HPS5: variants seen among roughly 807,000 people sequenced by gnomAD.
HPS5 encodes the protein BLOC-2 complex member HPS5.
A neutral mutation model predicts 128.0 loss-of-function variants in HPS5; 83 were observed. That is an observed-to-expected ratio of 0.65 (90% CI 0.54 to 0.78). HPS5 has a LOEUF of 0.78. Ranked by LOEUF, HPS5 falls within the 30% of genes least tolerant of loss-of-function variation. The pLI, the probability that HPS5 is intolerant of heterozygous loss-of-function variation, is 0.00. For missense variants in HPS5, 1,281 were observed against 1,326.2 expected (o/e 0.97, Z 0.53); for synonymous variants, 475 against 470.2 (o/e 1.01, Z -0.13).
intron 16 of HPS5, 74 bp downstream of exon 16, chr11:18,291,367 TA>T (rs1410994611): frequency 6.5e-6 from 6 of 919,852 alleles, no homozygotes; most frequent in Admixed American, 4.1e-5. Flanking sequence ...ATCTTTTTTT[TA>T]AACCCCAAAA....
intron 7 of HPS5, 111 bp from the exon 8 acceptor site, chr11:18,305,604 A>G (rs1862254761): frequency 1.4e-6 from 1 of 719,146 alleles, no homozygotes; most frequent in Non-Finnish European, 2.5e-6. Context: ...TCAAGAGCCT[A>G]ACTGCATCTG....
Position 18,296,904 on chromosome 11 carries a change from GC to G in HPS5, c.1403del (p.Cys468SerfsTer44). The part of the protein sequence containing the change: ...RRGSQSDEDS[C>X]SLHSQTLSED... ...CTGAGAGGGTTTGGCTGTGAAGGGA[GC>G]AAGAGTCTTCATCTGACTGACTGCC... On this transcript the variant is annotated frameshift_variant, in exon 12 of 23. Coordinates refer to ENST00000349215, the MANE Select transcript of HPS5 (RefSeq NM_181507.2). LOFTEE classifies it high-confidence loss of function. The G allele has an allele frequency of 1.9e-6, 3 of 1,611,198 alleles. 1 individual carries two copies. The East Asian group carries it at 6.7e-5, about 36-fold the overall frequency.
rs187648713 is a variant in HPS5, at chr11:18,317,417, G to A, written c.108+334C>T. On this transcript the variant is annotated intron_variant, in intron 2 of 22. Coordinates refer to ENST00000349215, the MANE Select transcript of HPS5 (RefSeq NM_181507.2). Reference sequence around the variant, plus strand: ...ATTACAGGCGCGTGCCACCTTGCCCGGCTAATTTTTGTATTTTTAGTAGAG... The same window carrying A: ...ATTACAGGCGCGTGCCACCTTGCCCAGCTAATTTTTGTATTTTTAGTAGAG... 5.9e-5 allele frequency among the ~76,000 whole-genome samples: 9 copies of A among 151,906 alleles called. No individual in the cohort carries two copies. In the East Asian group the frequency reaches 1.4e-3, roughly 23 times the overall value.
intron 2 of HPS5, among the ~76,000 whole-genome samples, chr11:18,315,612 TA>T (rs544602661): frequency 2.2e-3 from 310 of 140,950 alleles, no homozygotes; most frequent in Middle Eastern, 3.7e-3. Flanking sequence ...AACTCTATCT[TA>T]AAAAAAAAAA....
At chr11:18,313,333 G>A (rs558901059) in intron 2 of HPS5, among the ~76,000 whole-genome samples, 4 of 152,340 alleles carry the variant, frequency 2.6e-5, no homozygotes, top group Admixed American at 2.6e-4. Context: ...ACGCCTGGGG[G>A]CAATTGTTTA....
At chr11:18,290,470 G>A (rs1409145557) in intron 16 of HPS5, among the ~76,000 whole-genome samples, 2 of 152,154 alleles carry the variant, frequency 1.3e-5, no homozygotes, top group African/African-American at 2.4e-5. Flanking sequence ...CATAATATCT[G>A]CCACACAATA....
intron 12 of HPS5, chr11:18,296,491 GGTTA>G (rs1414602474): frequency 3.5e-6 from 2 of 577,302 alleles, no homozygotes; most frequent in African/African-American, 3.7e-5. Flanking sequence ...AAAATAATTT[GGTTA>G]GTCAGAATAA....
chr11:18,285,856 T>C (rs570804057), intron 19 of HPS5, among the ~76,000 whole-genome samples: 1 of 152,186 alleles, frequency 6.6e-6, no homozygotes, highest in African/African-American at 2.4e-5. Flanking sequence ...ACTTTAATTT[T>C]ATTTTATTTT....
intron 4 of HPS5, 120 bp from the exon 5 acceptor site, chr11:18,311,053 GTAT>G: frequency 1.3e-6 from 1 of 782,790 alleles, no homozygotes; most frequent in Non-Finnish European, 2.2e-6. Context: ...AAAAGAGGAA[GTAT>G]TATAAAAAGT....
rs773674380 is a variant in HPS5 at position 18,286,773 on chromosome 11, G to A, written c.2718-63C>T. On this transcript the variant is annotated intron_variant, in intron 18 of 22. Coordinates refer to ENST00000349215, the MANE Select transcript of HPS5 (RefSeq NM_181507.2). Reference sequence around the variant, plus strand: ...TGCTAAGAAAGGAAGCATAAAATGTGGGGAGTGTGAAGAAAACCTGATTAA... The same window carrying A: ...TGCTAAGAAAGGAAGCATAAAATGTAGGGAGTGTGAAGAAAACCTGATTAA... The A allele has an allele frequency of 1.2e-5, 19 of 1,604,192 alleles. No individual in the cohort carries two copies. The East Asian group carries it at 4.0e-4, about 34-fold the overall frequency.
chr11:18,303,120 T>C (rs1268411029), intron 8 of HPS5, among the ~76,000 whole-genome samples: 2 of 152,192 alleles, frequency 1.3e-5, no homozygotes, highest in African/African-American at 2.4e-5. Context: ...CTGGGATTTA[T>C]GGGTTGCAAC....
intron 10 of HPS5, 100 bp downstream of exon 10, chr11:18,298,692 G>A: frequency 8.7e-7 from 1 of 1,150,920 alleles, no homozygotes; most frequent in Non-Finnish European, 1.3e-6. Flanking sequence ...AGGTCACACA[G>A]ACAGGGTTAA....
chr11:18,311,514 T>TTTTC, intron 3 of HPS5, 63 bp from the exon 4 acceptor site: 1 of 534,564 alleles, frequency 1.9e-6, no homozygotes, highest in Non-Finnish European at 2.7e-6. Context: ...TATTATTATT[T>TTTTC]TTTTTTTTTT....
At chr11:18,306,879 A>G (rs3781944) in intron 6 of HPS5, among the ~76,000 whole-genome samples, 21,205 of 152,150 alleles carry the variant, frequency 0.14, 1,583 homozygotes, top group African/African-American at 0.19. Flanking sequence ...CATGAGTTAG[A>G]TATATAAAAG....
intron 12 of HPS5, 110 bp from the exon 13 acceptor site, chr11:18,296,232 T>C: frequency 8.9e-7 from 1 of 1,129,686 alleles, no homozygotes; most frequent in Admixed American, 2.0e-5. Flanking sequence ...AAGGATTCAA[T>C]ACCAAAATCA....
chr11:18,295,882 T>C, intron 13 of HPS5, 117 bp downstream of exon 13: 1 of 1,098,736 alleles, frequency 9.1e-7, no homozygotes, highest in Non-Finnish European at 1.4e-6. Flanking sequence ...TATGACAAGT[T>C]ATATGGAAAA....
rs1030918683 is a variant in HPS5, at chr11:18,293,105, T to A, written c.1785-129A>T. ...GACGTGATCTCGGTTCATTGCAACCTCCGCCTCCCGGGTTCAAGCAATTCT... is the reference window on the plus strand; with the variant it reads ...GACGTGATCTCGGTTCATTGCAACCACCGCCTCCCGGGTTCAAGCAATTCT... On this transcript the variant is annotated intron_variant, in intron 14 of 22. Transcript: ENST00000349215. The A allele has an allele frequency of 2.0e-5, 15 of 745,430 alleles. No homozygotes were observed. In the Admixed American group the frequency reaches 2.7e-4, roughly 13 times the overall value. The allele number at this position is 745,430 out of a possible 1,614,324, so 46.2% of individuals were successfully genotyped here.
At position 18,300,852 on chromosome 11, in the gene HPS5, C is replaced by T; in HGVS notation, c.961G>A (p.Val321Ile). The T allele has an allele frequency of 6.3e-7, 1 of 1,586,702 alleles. No homozygotes were observed. The highest frequency in any genetic ancestry group is 8.7e-7 in the Non-Finnish European group (1 of 1,155,316). The stretch of plus-strand genomic sequence containing the variant: ...CCTTTGACTTCACTCCAAAGAAGAA[C>T]TTGAACATTCTGAGGAATGAAAATA... Reference protein sequence around the residue: ...IYIFIPQNVQVLLWSEVKDIQ... With the variant: ...IYIFIPQNVQILLWSEVKDIQ... The change falls in exon 9 of 23, where the codon GTT becomes ATT. Residue 321 changes from valine (V) to isoleucine (I), a missense_variant. Val to Ile is a conservative substitution (Grantham distance 29). Coordinates refer to ENST00000349215, the MANE Select transcript of HPS5 (RefSeq NM_181507.2).
In HPS5 at chr11:18,278,803, T is replaced by C. The variant is rs1487297222; in HGVS notation, c.*1079A>G. On this transcript the variant is annotated 3_prime_UTR_variant, in exon 23 of 23. Transcript: ENST00000349215. ...TACATTTATTATTAATATAACATGC[T>C]ATGTAAATGTACAGGAGCCTGACAA... 2 of 152,580 alleles carry C rather than the reference T, an allele frequency of 1.3e-5. No individual in the cohort carries two copies. Among genetic ancestry groups the C allele is most frequent in the African/African-American group, 4.8e-5 (2 of 41,470 alleles). 9.5% of individuals were successfully genotyped at this position (152,580 alleles called of 1,614,324 possible).
Sources: gnomAD v4.1 joint callset for allele counts (sites outside exome capture counted in the v4.1 genomes callset) on GRCh38, gnomAD v4.1.1 for gene constraint, MANE v1.5 for transcripts, NCBI Gene and HGNC (gene_info 2026-07-23, HGNC 2026-07-21) for gene names.